Variants in ZNF667 observed in about 807,000 individuals in gnomAD.
The protein encoded by ZNF667 is zinc finger protein 667.
A neutral mutation model predicts 31.8 loss-of-function variants in ZNF667; 13 were observed. The observed-to-expected ratio is 0.41, with a 90% confidence interval of 0.27 to 0.65. The LOEUF (loss-of-function observed/expected upper bound fraction) is 0.65, where lower values mean the gene tolerates loss of function less well. Ranked by LOEUF, ZNF667 falls within the 30% of genes least tolerant of loss-of-function variation. The probability of loss-of-function intolerance (pLI) is 0.32; values close to 1 mark genes in which losing one functional copy is unlikely to be tolerated. For synonymous variants in ZNF667, 228 were observed against 247.1 expected (o/e 0.92, Z 0.73); for missense variants, 642 against 725.6 (o/e 0.88, Z 1.32).
intron 3 of ZNF667, among the ~76,000 whole-genome samples, chr19:56,463,029 GC>G (rs1340126725): frequency 6.6e-6 from 1 of 152,076 alleles, no homozygotes; most frequent in African/African-American, 2.4e-5. Flanking sequence ...GTGGGCGCAG[GC>G]TAGGTGTGAG....
intron 5 of ZNF667, among the ~76,000 whole-genome samples, chr19:56,459,026 G>GATCTGACACT (rs1433479252): frequency 3.3e-5 from 5 of 152,100 alleles, no homozygotes; most frequent in Non-Finnish European, 7.4e-5. Flanking sequence ...TACCCTGTGG[G>GATCTGACACT]ATCTGACACT....
chr19:56,444,497 G>A (rs1424897088), intron 6 of ZNF667, among the ~76,000 whole-genome samples: 2 of 149,988 alleles, frequency 1.3e-5, no homozygotes, highest in Non-Finnish European at 3.0e-5. Context: ...CCAACACTGA[G>A]GATGAAATTT....
At chr19:56,463,840 A>C (rs1397418971) in intron 3 of ZNF667, among the ~76,000 whole-genome samples, 1 of 152,120 alleles carries the variant, frequency 6.6e-6, no homozygotes, top group Admixed American at 6.6e-5. Flanking sequence ...ACTCATTTTC[A>C]CTCCAATCTA....
intron 4 of ZNF667, among the ~76,000 whole-genome samples, chr19:56,461,972 C>T (rs993277217): frequency 6.6e-6 from 1 of 152,252 alleles, no homozygotes; most frequent in African/African-American, 2.4e-5. Context: ...GTCCCCTCTG[C>T]TACTGCAGGC....
intron 5 of ZNF667, among the ~76,000 whole-genome samples, chr19:56,459,571 C>T (rs1022858196): frequency 6.6e-6 from 1 of 152,216 alleles, no homozygotes; most frequent in Non-Finnish European, 1.5e-5. Context: ...GCGCTAAAAA[C>T]CCCAAACTCT....
At chr19:56,459,493 A>G (rs923410066) in intron 5 of ZNF667, among the ~76,000 whole-genome samples, 2 of 152,174 alleles carry the variant, frequency 1.3e-5, no homozygotes, top group Non-Finnish European at 2.9e-5. Context: ...AGTATAAACA[A>G]ACCAGGCAGC....
At chr19:56,464,169 T>G (rs1417263395) in intron 3 of ZNF667, among the ~76,000 whole-genome samples, 2 of 152,256 alleles carry the variant, frequency 1.3e-5, no homozygotes, top group Non-Finnish European at 2.9e-5. Flanking sequence ...ACTGTTTATA[T>G]TGGCTACATG....
At chr19:56,452,462 G>C (rs1179043276) in intron 6 of ZNF667, among the ~76,000 whole-genome samples, 1 of 152,104 alleles carries the variant, frequency 6.6e-6, no homozygotes, top group Non-Finnish European at 1.5e-5. Context: ...AGTATGAAGA[G>C]AGTTTGTAAC....
intron 3 of ZNF667, chr19:56,467,206 A>T (rs2043181958): frequency 5.5e-6 from 2 of 364,120 alleles, no homozygotes; most frequent in Admixed American, 3.4e-5. Flanking sequence ...GTGGGGGGGA[A>T]ATGAGGGCAC....
At chr19:56,466,080 G>A (rs529066186) in intron 3 of ZNF667, among the ~76,000 whole-genome samples, 5 of 152,310 alleles carry the variant, frequency 3.3e-5, no homozygotes, top group African/African-American at 1.2e-4. Flanking sequence ...CCTCGCATGT[G>A]TTGTTCTAAC....
At chr19:56,454,866 CA>C (rs1301344978) in intron 6 of ZNF667, among the ~76,000 whole-genome samples, 6 of 151,666 alleles carry the variant, frequency 4.0e-5, no homozygotes, top group Admixed American at 6.6e-5. Flanking sequence ...GCACAGGAAA[CA>C]ATCAACAAAG....
chr19:56,470,336 C>T (rs947807435), intron 3 of ZNF667, among the ~76,000 whole-genome samples: 6 of 152,242 alleles, frequency 3.9e-5, no homozygotes, highest in African/African-American at 1.4e-4. Flanking sequence ...GCTGAATGTG[C>T]TCCATGCCTG....
chr19:56,460,813 T>C lies in ZNF667; in HGVS notation c.36A>G (p.Ala12=). ...PSARGKSKSK[A]PITFGDLAIY... is the part of the protein sequence containing the mutation. ...TGGCTAAGTCCCCAAATGTTATAGG[T>C]GCCTGAAATGAAAAATCAAATGTCT... The change falls in exon 5 of 7, where the codon GCA becomes GCG. Residue 12 remains alanine (A), a splice_region_variant and synonymous_variant. Coordinates refer to ENST00000504904, the MANE Select transcript of ZNF667 (RefSeq NM_001321356.2). The C allele has an allele frequency of 1.9e-6, 3 of 1,586,982 alleles. No homozygotes were observed. Among genetic ancestry groups the C allele is most frequent in the Admixed American group, 3.7e-5 (2 of 54,778 alleles).
At chr19:56,466,963 T>C in intron 3 of ZNF667, 1 of 455,658 alleles carries the variant, frequency 2.2e-6, no homozygotes. Flanking sequence ...ATAAACTTGC[T>C]TCTTTCACTG....
intron 3 of ZNF667, among the ~76,000 whole-genome samples, chr19:56,463,761 AGCAATCAGCCCGCCTAGGCC>A (rs1014403837): frequency 6.6e-6 from 1 of 152,144 alleles, no homozygotes; most frequent in Admixed American, 6.6e-5. Context: ...CCTGGGCTCA[AGCAATCAGCCCGCCTAGGCC>A]TTCCAAAGTG....
At chr19:56,450,324 A>G (rs954453798) in intron 6 of ZNF667, among the ~76,000 whole-genome samples, 3 of 152,196 alleles carry the variant, frequency 2.0e-5, no homozygotes, top group Admixed American at 6.5e-5. Flanking sequence ...ATATTTAAAG[A>G]GCTGAAGAAA....
At chr19:56,465,160 C>A (rs2043131834) in intron 3 of ZNF667, among the ~76,000 whole-genome samples, 1 of 152,212 alleles carries the variant, frequency 6.6e-6, no homozygotes, top group East Asian at 1.9e-4. Flanking sequence ...CTGCTGCCAA[C>A]AACAGCAGAA....
chr19:56,464,131 G>C lies in ZNF667; in HGVS notation c.-59-1702C>G, dbSNP rs574928631. The stretch of plus-strand genomic sequence containing the variant: ...CAGTATGAAAAAATGTAAACTATCA[G>C]TATGAAAAAATAACTATTTCATTGA... On this transcript the variant is annotated intron_variant, in intron 3 of 6. Coordinates refer to ENST00000504904, the MANE Select transcript of ZNF667 (RefSeq NM_001321356.2). Among the ~76,000 whole-genome samples the C allele has an allele frequency of 1.7e-4, 26 of 152,212 alleles. No homozygotes were observed. In the South Asian group the frequency reaches 2.1e-3, roughly 12 times the overall value.
At chr19:56,460,460 A>C (rs1181106929) in intron 5 of ZNF667, among the ~76,000 whole-genome samples, 1 of 152,210 alleles carries the variant, frequency 6.6e-6, no homozygotes, top group Non-Finnish European at 1.5e-5. Context: ...GGTGGAAATA[A>C]TGAAAATATA....
Sources: gnomAD v4.1 joint callset for allele counts (sites outside exome capture counted in the v4.1 genomes callset) on GRCh38, gnomAD v4.1.1 for gene constraint, MANE v1.5 for transcripts, NCBI Gene and HGNC (gene_info 2026-07-23, HGNC 2026-07-21) for gene names.